Variants in ELFN1 observed in about 807,000 individuals in gnomAD.
ELFN1 encodes the protein extracellular leucine rich repeat and fibronectin type III domain containing 1.
In ELFN1, 6 loss-of-function variants were observed where a neutral mutation model predicts 7.6. The ratio of observed to expected loss-of-function variants is 0.79; its 90% CI spans 0.43 to 1.56. The LOEUF (loss-of-function observed/expected upper bound fraction) is 1.56, where lower values mean the gene tolerates loss of function less well. Among genes scored for constraint, ELFN1 ranks in the 40% most tolerant of loss-of-function variants. The pLI is 0.01. For synonymous variants in ELFN1, 657 were observed against 588.1 expected, an observed-to-expected ratio of 1.12 and a Z score of -1.70; for missense variants, 1,169 against 1,232.2, an observed-to-expected ratio of 0.95 and a Z score of 0.77.
chr7:1,736,188 C>T (rs190192361), intron 3 of ELFN1, among the ~76,000 whole-genome samples: 5 of 152,294 alleles, frequency 3.3e-5, no homozygotes, highest in East Asian at 1.9e-4. Flanking sequence ...GGCAGGCAGA[C>T]GTTAGCAGTA....
chr7:1,681,906 T>C (rs1405012546), intron 1 of ELFN1, among the ~76,000 whole-genome samples: 1 of 152,242 alleles, frequency 6.6e-6, no homozygotes. Flanking sequence ...TTTGATAAAA[T>C]GTCTATTCAA....
intron 1 of ELFN1, among the ~76,000 whole-genome samples, chr7:1,682,574 G>A (rs893301586): frequency 4.0e-5 from 6 of 151,412 alleles, no homozygotes; most frequent in African/African-American, 1.2e-4. Context: ...CCAAGTGTTT[G>A]GGACTACAGG....
chr7:1,734,906 G>T (rs1355541460), intron 3 of ELFN1, among the ~76,000 whole-genome samples: 1 of 151,940 alleles, frequency 6.6e-6, no homozygotes, highest in African/African-American at 2.4e-5. Context: ...CATTGCCCAG[G>T]CTGGGTTCGA....
rs888589264 is a variant in ELFN1 at position 1,740,679 on chromosome 7, C to T, written c.-293-3625C>T. On this transcript the variant is annotated intron_variant, in intron 3 of 3. Coordinates refer to ENST00000424383, the MANE Select transcript of ELFN1 (RefSeq NM_001128636.4). The surrounding 1 kb of genome is among the most constrained non-coding windows in gnomAD (Gnocchi z 5.0). Reference sequence around the variant, plus strand: ...TTGGGGACTCCTGGACCCGGGCCACCCCCCGAACCCCTCCTAGCACAGCAC... The same window carrying T: ...TTGGGGACTCCTGGACCCGGGCCACTCCCCGAACCCCTCCTAGCACAGCAC... 2.6e-5 allele frequency among the ~76,000 whole-genome samples: 4 copies of T among 152,142 alleles called. No homozygotes were observed. The highest frequency in any genetic ancestry group is 9.7e-5 in the African/African-American group (4 of 41,434).
intron 1 of ELFN1, among the ~76,000 whole-genome samples, chr7:1,682,203 A>G (rs1489551693): frequency 6.6e-6 from 1 of 152,072 alleles, no homozygotes; most frequent in Non-Finnish European, 1.5e-5. Flanking sequence ...GGTCACAAAG[A>G]TTTCTTCCGT....
chr7:1,746,323 T>C lies in ELFN1; in HGVS notation c.1727T>C (p.Leu576Pro). The part of the protein sequence containing the change: ...NQIINNCIDA[L>P]KSESTSFQGV... The stretch of plus-strand genomic sequence containing the variant: ...ATCATCAACAACTGCATCGACGCGC[T>C]CAAGTCCGAGTCCACCTCCTTCCAG... Residue 576 changes from leucine (L) to proline (P), a missense_variant, in exon 4 of 4, where the codon CTC (leucine) becomes CCC (proline). Transcript: ENST00000424383. The C allele has an allele frequency of 6.4e-7, 1 of 1,560,878 alleles. No individual in the cohort carries two copies. The highest frequency in any genetic ancestry group is 8.7e-7 in the Non-Finnish European group (1 of 1,153,564).
intron 2 of ELFN1, among the ~76,000 whole-genome samples, chr7:1,702,207 A>G (rs540953903): frequency 6.6e-6 from 1 of 152,232 alleles, no homozygotes; most frequent in South Asian, 2.1e-4. Flanking sequence ...GGCAAATGAC[A>G]AGGTCAGGAG....
In ELFN1 at chr7:1,728,070, C is replaced by T. The variant is rs116052156; in HGVS notation, c.-293-16234C>T. Reference sequence around the variant, plus strand: ...GTCCAGAGCCATTGAGAGGCAGGGCCGGACTTGGATCCCAGACCTTCCTGC... The same window carrying T: ...GTCCAGAGCCATTGAGAGGCAGGGCTGGACTTGGATCCCAGACCTTCCTGC... On this transcript the variant is annotated intron_variant, in intron 3 of 3. Coordinates refer to ENST00000424383, the MANE Select transcript of ELFN1 (RefSeq NM_001128636.4). 9.5e-3 allele frequency among the ~76,000 whole-genome samples: 1,452 copies of T among 152,302 alleles called. 21 individuals carry two copies. Among genetic ancestry groups the T allele is most frequent in the African/African-American group, 0.033 (1,362 of 41,562 alleles).
chr7:1,707,623 C>A (rs1562368179), intron 2 of ELFN1, among the ~76,000 whole-genome samples: 1 of 152,204 alleles, frequency 6.6e-6, no homozygotes, highest in South Asian at 2.1e-4. Context: ...GAAGCCTCCT[C>A]TTATTTTATT....
chr7:1,712,468 G>A (rs1441754576), intron 3 of ELFN1, among the ~76,000 whole-genome samples: 1 of 149,046 alleles, frequency 6.7e-6, no homozygotes, highest in East Asian at 2.0e-4. Flanking sequence ...GTCTCGCCCT[G>A]TCACCCAGGC....
At chr7:1,671,078 C>T (rs1224804991) in intron 1 of ELFN1, among the ~76,000 whole-genome samples, 1 of 151,938 alleles carries the variant, frequency 6.6e-6, no homozygotes. Flanking sequence ...CCTCTAAAGA[C>T]AAGCGCCCCC....
At chr7:1,702,280 C>T (rs1409833449) in intron 2 of ELFN1, among the ~76,000 whole-genome samples, 2 of 152,022 alleles carry the variant, frequency 1.3e-5, no homozygotes, top group African/African-American at 4.8e-5. Flanking sequence ...AAAAAATTAG[C>T]CAGCGTGATG....
rs778087378 is a variant in ELFN1, at chr7:1,705,512, C to T, written c.-455-3579C>T. ...AGCGTGGCAGCCGCCACTGCCTGCC[C>T]GAGGGCACTGCTGGGCCCCCCTTCC... On this transcript the variant is annotated intron_variant, in intron 2 of 3. Coordinates refer to ENST00000424383, the MANE Select transcript of ELFN1 (RefSeq NM_001128636.4). The surrounding 1 kb of genome is among the most constrained non-coding windows in gnomAD (Gnocchi z 4.3). Among the ~76,000 whole-genome samples the T allele has an allele frequency of 5.0e-4, 76 of 152,322 alleles. No individual in the cohort carries two copies. Among genetic ancestry groups the T allele is most frequent in the South Asian group, 6.2e-4 (3 of 4,832 alleles).
Position 1,735,193 on chromosome 7 carries a change from C to T in ELFN1, c.-293-9111C>T, listed in dbSNP as rs1489832078. On this transcript the variant is annotated intron_variant, in intron 3 of 3. Coordinates refer to ENST00000424383, the MANE Select transcript of ELFN1 (RefSeq NM_001128636.4). The surrounding 1 kb of genome is among the most constrained non-coding windows in gnomAD (Gnocchi z 5.9). Reference sequence around the variant, plus strand: ...GCATGCGGGAGGTGCTGCACACCGGCGGACCGTCGAGGAAACAGGAGCTTT... The same window carrying T: ...GCATGCGGGAGGTGCTGCACACCGGTGGACCGTCGAGGAAACAGGAGCTTT... Among the ~76,000 whole-genome samples the T allele has an allele frequency of 6.6e-6, 1 of 152,146 alleles. No individual in the cohort carries two copies. Among genetic ancestry groups the T allele is most frequent in the Non-Finnish European group, 1.5e-5 (1 of 68,028 alleles).
chr7:1,720,334 T>C (rs6958253), intron 3 of ELFN1, among the ~76,000 whole-genome samples: 28,409 of 152,164 alleles, frequency 0.19, 2,937 homozygotes, highest in Admixed American at 0.24. Context: ...TTCCTCTGCC[T>C]GCCCTTGATT....
chr7:1,668,277 G>A (rs1321760653), upstream of ELFN1, among the ~76,000 whole-genome samples: 1 of 152,226 alleles, frequency 6.6e-6, no homozygotes, highest in South Asian at 2.1e-4. Flanking sequence ...GACTCATCAT[G>A]CCTGCTCCTG....
chr7:1,672,882 C>T (rs1041328447), intron 1 of ELFN1, among the ~76,000 whole-genome samples: 58 of 152,006 alleles, frequency 3.8e-4, no homozygotes, highest in African/African-American at 1.1e-3. Flanking sequence ...GGCAGGCCCT[C>T]GAGATGCCCG....
chr7:1,717,737 C>T lies in ELFN1; in HGVS notation c.-294+8485C>T, dbSNP rs889139885. On this transcript the variant is annotated intron_variant, in intron 3 of 3. Coordinates refer to ENST00000424383, the MANE Select transcript of ELFN1 (RefSeq NM_001128636.4). ...GTATGAGAGATGGCAGAAACAGTGG[C>T]GTCTCCAACACACGTGGCATGTGCA... Among the ~76,000 whole-genome samples, 7 of 152,084 alleles carry T rather than the reference C, an allele frequency of 4.6e-5. 1 individual carries two copies. Among genetic ancestry groups the T allele is most frequent in the Non-Finnish European group, 8.8e-5 (6 of 68,008 alleles).
rs893330230 is a variant in ELFN1, at chr7:1,746,391, G to T, written c.1795G>T (p.Val599Leu). The T allele has an allele frequency of 3.9e-6, 6 of 1,536,586 alleles. No individual in the cohort carries two copies. Among genetic ancestry groups the T allele is most frequent in the Non-Finnish European group, 5.3e-6 (6 of 1,142,610 alleles). The change falls in exon 4 of 4, where the codon GTG (valine) becomes TTG (leucine). Residue 599 changes from valine (V) to leucine (L), a missense_variant. Coordinates refer to ENST00000424383, the MANE Select transcript of ELFN1 (RefSeq NM_001128636.4). ...GPVSVAEPPL[V>L]LLSEPLAAKH... is the part of the protein sequence containing the mutation. ...CGTGTCCGTCGCGGAGCCGCCGCTGGTGCTGCTGTCCGAGCCGCTGGCCGC... is the reference window on the plus strand; with the variant it reads ...CGTGTCCGTCGCGGAGCCGCCGCTGTTGCTGCTGTCCGAGCCGCTGGCCGC...
Sources: allele counts gnomAD v4.1 joint callset (sites outside exome capture counted in the v4.1 genomes callset), GRCh38; gene constraint gnomAD v4.1.1; non-coding constraint Gnocchi (gnomAD v3.1); transcripts MANE v1.5; gene names NCBI Gene and HGNC (gene_info 2026-07-23, HGNC 2026-07-21).